PDCD4: variants seen among roughly 807,000 people sequenced by gnomAD.
PDCD4 encodes the protein programmed cell death 4, also known as programmed cell death protein 4.
Under a neutral mutation model 54.0 loss-of-function variants are expected in PDCD4, and 56 were observed. The observed-to-expected ratio is 1.04, with a 90% CI of 0.84 to 1.30. The LOEUF is 1.30. PDCD4 is among the 50% of genes most tolerant of loss of function. The pLI, the probability that PDCD4 is intolerant of heterozygous loss-of-function variation, is 0.00. For synonymous variants in PDCD4, 186 were observed against 194.8 expected (o/e 0.95, Z 0.37); for missense variants, 584 against 559.8 (o/e 1.04, Z -0.44).
intron 8 of PDCD4, among the ~76,000 whole-genome samples, chr10:110,891,386 G>C (rs1845753336): frequency 1.7e-5 from 2 of 115,436 alleles, no homozygotes; most frequent in Non-Finnish European, 3.4e-5. Context: ...CAGCATGGGT[G>C]ACAGAGCAAG....
chr10:110,876,094 T>A (rs1171811525), intron 2 of PDCD4, 24 bp downstream of exon 2: 1 of 1,589,876 alleles, frequency 6.3e-7, no homozygotes, highest in Non-Finnish European at 8.6e-7. Flanking sequence ...TCCTTTTTTC[T>A]TTTTTTCTTC....
intron 8 of PDCD4, 146 bp downstream of exon 8, chr10:110,890,816 G>T: frequency 2.2e-6 from 1 of 449,964 alleles, no homozygotes; most frequent in Non-Finnish European, 4.0e-6. Flanking sequence ...TTTTTAATAT[G>T]TGGCTTTATA....
intron 3 of PDCD4, among the ~76,000 whole-genome samples, chr10:110,881,816 C>G (rs572913076): frequency 2.0e-4 from 31 of 152,048 alleles, no homozygotes; most frequent in African/African-American, 7.3e-4. Flanking sequence ...TTCACTGTTA[C>G]GAGTTTTACG....
rs971248810 is a variant in PDCD4, at chr10:110,899,267, G to A, written c.*1179G>A. ...AGAATTTATGAGGGTACTGTTAGGAGTATACTGCTTACAGGTTTAGATATA... is the reference window on the plus strand; with the variant it reads ...AGAATTTATGAGGGTACTGTTAGGAATATACTGCTTACAGGTTTAGATATA... On this transcript the variant is annotated 3_prime_UTR_variant, in exon 12 of 12. Transcript: ENST00000280154. The A allele has an allele frequency of 1.3e-5, 2 of 152,172 alleles. No individual in the cohort carries two copies. Among genetic ancestry groups the A allele is most frequent in the African/African-American group, 4.8e-5 (2 of 41,438 alleles). The allele number at this position is 152,172 out of a possible 1,614,324, so 9.4% of individuals were successfully genotyped here.
At chr10:110,875,459 T>A (rs948980426) in intron 1 of PDCD4, among the ~76,000 whole-genome samples, 3 of 152,228 alleles carry the variant, frequency 2.0e-5, no homozygotes, top group African/African-American at 7.2e-5. Context: ...GTGGCAGATA[T>A]ATCTGCCTTT....
At chr10:110,889,687 T>C (rs532991157) in intron 7 of PDCD4, 57 bp downstream of exon 7, 1 of 955,740 alleles carries the variant, frequency 1.0e-6, no homozygotes, top group African/African-American at 1.6e-5. Context: ...TTCTACAGGA[T>C]CCTATTGAAA....
At chr10:110,889,483 TAA>T (rs1215799814) in intron 6 of PDCD4, 48 bp from the exon 7 acceptor site, 1 of 998,606 alleles carries the variant, frequency 1.0e-6, no homozygotes, top group African/African-American at 1.6e-5. Context: ...TTGTGACCTA[TAA>T]AAGTTATTTA....
chr10:110,886,138 C>T (rs1845666544), intron 5 of PDCD4, among the ~76,000 whole-genome samples: 1 of 152,006 alleles, frequency 6.6e-6, no homozygotes, highest in Admixed American at 6.6e-5. Context: ...CCTTTTGAAG[C>T]CCAGTCAAGT....
At chr10:110,893,256 A>T (rs1312661758) in intron 8 of PDCD4, among the ~76,000 whole-genome samples, 1 of 152,004 alleles carries the variant, frequency 6.6e-6, no homozygotes, top group Non-Finnish European at 1.5e-5. Context: ...ATTTACTTAC[A>T]TGTAAATATT....
At chr10:110,895,717 T>C (rs1473844322) in intron 10 of PDCD4, among the ~76,000 whole-genome samples, 1 of 152,206 alleles carries the variant, frequency 6.6e-6, no homozygotes, top group Non-Finnish European at 1.5e-5. Flanking sequence ...ACCTTCCCTT[T>C]TCTCCTCAAC....
chr10:110,872,534 G>A (rs949517145), intron 1 of PDCD4, among the ~76,000 whole-genome samples: 4 of 152,134 alleles, frequency 2.6e-5, no homozygotes, highest in African/African-American at 9.6e-5. Context: ...CCTCGGCCCC[G>A]GCCCAGCCCC....
chr10:110,872,674 C>T (rs1202095115), intron 1 of PDCD4, among the ~76,000 whole-genome samples: 2 of 152,224 alleles, frequency 1.3e-5, no homozygotes, highest in African/African-American at 4.8e-5. Flanking sequence ...CGAACACGTG[C>T]CCGCCGCCCC....
intron 3 of PDCD4, among the ~76,000 whole-genome samples, 155 bp downstream of exon 3, chr10:110,881,690 A>G (rs545583494): frequency 1.3e-5 from 2 of 152,348 alleles, no homozygotes; most frequent in African/African-American, 2.4e-5. Flanking sequence ...CTTAGTAATA[A>G]TGTGAGAACC....
At position 110,894,589 on chromosome 10, in the gene PDCD4, T is replaced by G. The variant is rs568229357; in HGVS notation, c.1209+67T>G. The G allele has an allele frequency of 2.4e-4, 170 of 714,854 alleles. 1 individual carries two copies. The highest frequency in any genetic ancestry group is 1.8e-3 in the South Asian group (99 of 55,182). 44.3% of individuals were successfully genotyped at this position (714,854 alleles called of 1,614,324 possible). A position where few individuals can be genotyped will look rare whatever the true frequency, so the allele number is the denominator to read the frequency against. ...CTTAAATATATGATTGAATACAGAT[T>G]ATGAATTGTCAGTGAAATTTTCTTT... On this transcript the variant is annotated intron_variant, in intron 10 of 11. Transcript: ENST00000280154.
rs1467524808 is a variant in PDCD4, at chr10:110,881,321, G to A, written c.132G>A (p.Trp44Ter). ...EEIKNEINGN[W>*]ISASSINEAR... Reference sequence around the variant, plus strand: ...TAAAGAATGAAATAAATGGAAATTGGATTTCAGCATCCTCCATTAACGAAG... The same window carrying A: ...TAAAGAATGAAATAAATGGAAATTGAATTTCAGCATCCTCCATTAACGAAG... Residue 44 changes from tryptophan (W) to a stop codon, truncating the protein, a stop_gained, in exon 3 of 12, where the codon TGG becomes TGA. Coordinates refer to ENST00000280154, the MANE Select transcript of PDCD4 (RefSeq NM_014456.5). LOFTEE classifies it high-confidence loss of function. 6.2e-7 allele frequency: 1 copy of A among 1,613,724 alleles called. No individual in the cohort carries two copies. The highest frequency in any genetic ancestry group is 1.7e-5 in the Admixed American group (1 of 60,020).
At chr10:110,878,128 A>G (rs1211177177) in intron 2 of PDCD4, among the ~76,000 whole-genome samples, 2 of 152,232 alleles carry the variant, frequency 1.3e-5, no homozygotes, top group Non-Finnish European at 1.5e-5. Flanking sequence ...TACTCAGCTT[A>G]TCATTTTAAT....
At chr10:110,876,386 A>G (rs1047729529) in intron 2 of PDCD4, among the ~76,000 whole-genome samples, 1 of 152,256 alleles carries the variant, frequency 6.6e-6, no homozygotes, top group Non-Finnish European at 1.5e-5. Context: ...TAGAAAAACT[A>G]TCTTTAAATA....
chr10:110,895,898 C>T (rs1281354357), intron 10 of PDCD4, 50 bp from the exon 11 acceptor site: 1 of 1,395,390 alleles, frequency 7.2e-7, no homozygotes, highest in Non-Finnish European at 9.7e-7. Flanking sequence ...TGTTTTATGA[C>T]ATTTATTTTA....
Position 110,881,428 on chromosome 10 carries a change from G to C in PDCD4, c.239G>C (p.Ser80Thr). 1 of 1,614,220 alleles carries C rather than the reference G, an allele frequency of 6.2e-7. No individual in the cohort carries two copies. Among genetic ancestry groups the C allele is most frequent in the Admixed American group, 1.7e-5 (1 of 60,026 alleles). ...DSGRGDSVSD[S>T]GSDALRSGLT... ...GGCAGAGGCGATTCGGTCAGCGACA[G>C]TGGGAGTGACGCCCTTAGAAGTGGA... The change falls in exon 3 of 12, where the codon AGT becomes ACT. Residue 80 changes from serine (S) to threonine (T), a missense_variant. Physicochemically the swap from Ser to Thr is moderately conservative, Grantham distance 58. Transcript: ENST00000280154.
Sources: gnomAD v4.1 joint callset for allele counts (sites outside exome capture counted in the v4.1 genomes callset) on GRCh38, gnomAD v4.1.1 for gene constraint, MANE v1.5 for transcripts, NCBI Gene and HGNC (gene_info 2026-07-23, HGNC 2026-07-21) for gene names.